C22orf31: variants seen among roughly 807,000 people sequenced by gnomAD.
The protein encoded by C22orf31 is chromosome 22 open reading frame 31.
A neutral mutation model predicts 15.0 loss-of-function variants in C22orf31; 11 were observed. The ratio of observed to expected loss-of-function variants is 0.73; its 90% CI spans 0.46 to 1.21. The LOEUF is 1.21. Ranked by LOEUF, C22orf31 falls within the 50% of genes most tolerant of loss-of-function variation. The pLI is 0.00. For synonymous variants in C22orf31, 132 were observed against 133.3 expected (o/e 0.99, Z 0.07); for missense variants, 340 against 347.2 (o/e 0.98, Z 0.17).
chr22:29,061,114 A>T (rs5752861), intron 1 of C22orf31, among the ~76,000 whole-genome samples: 36 of 152,152 alleles, frequency 2.4e-4, no homozygotes, highest in African/African-American at 8.4e-4. Context: ...GGGAGGGTTC[A>T]CAAGGAATTG....
At chr22:29,072,950 G>C in the C22orf31 span, 3 of 150,560 alleles carry the variant, frequency 2.0e-5, no homozygotes, top group Admixed American at 6.6e-5. Flanking sequence ...CCGCGGATCC[G>C]GGCGGGCCCC....
chr22:29,068,040 C>G, the C22orf31 span, among the ~76,000 whole-genome samples: 3 of 148,520 alleles, frequency 2.0e-5, no homozygotes, highest in East Asian at 5.9e-4. Context: ...TGAATAGTCA[C>G]TGCAATCCAA....
At chr22:29,066,023 G>T (rs1034637313), upstream of C22orf31, among the ~76,000 whole-genome samples, 4 of 151,816 alleles carry the variant, frequency 2.6e-5, no homozygotes, top group African/African-American at 9.7e-5. Flanking sequence ...TTTCCTCACA[G>T]TATTTTTAGC....
At chr22:29,061,245 C>G (rs1352420974) in intron 1 of C22orf31, among the ~76,000 whole-genome samples, 1 of 152,140 alleles carries the variant, frequency 6.6e-6, no homozygotes, top group Admixed American at 6.5e-5. Context: ...TCTGCCAAGC[C>G]CTGAATACGC....
the C22orf31 span, among the ~76,000 whole-genome samples, chr22:29,072,020 A>G: frequency 4.6e-5 from 7 of 152,302 alleles, no homozygotes; most frequent in South Asian, 1.2e-3. Context: ...TGGCTATGTG[A>G]TAAGATACGG....
At chr22:29,065,932 T>G (rs2037426222), upstream of C22orf31, among the ~76,000 whole-genome samples, 1 of 152,272 alleles carries the variant, frequency 6.6e-6, no homozygotes, top group Non-Finnish European at 1.5e-5. Flanking sequence ...CACCCATCAT[T>G]TGGAGCTGTG....
chr22:29,060,450 C>T lies in C22orf31; in HGVS notation c.397G>A (p.Ala133Thr), dbSNP rs1184246059. The change falls in exon 2 of 3, where the codon GCA becomes ACA. Residue 133 changes from alanine (A) to threonine (T), a missense_variant. Physicochemically the swap from Ala to Thr is moderately conservative, Grantham distance 58. Coordinates refer to ENST00000216071, the MANE Select transcript of C22orf31 (RefSeq NM_015370.2). Reference sequence around the variant, plus strand: ...CCTCCTGCAGGCCTCCTATGCCCTGCTGGCTGCTTGCTCTTGGAACTGATG... The same window carrying T: ...CCTCCTGCAGGCCTCCTATGCCCTGTTGGCTGCTTGCTCTTGGAACTGATG... ...NFISSKSKQP[A>T]GHRRPAGGIR... is the part of the protein sequence containing the mutation. 1.2e-6 allele frequency: 2 copies of T among 1,613,700 alleles called. No homozygotes were observed. Among genetic ancestry groups the T allele is most frequent in the South Asian group, 1.1e-5 (1 of 91,068 alleles).
the C22orf31 span, among the ~76,000 whole-genome samples, chr22:29,067,748 A>T: frequency 6.6e-6 from 1 of 152,024 alleles, no homozygotes; most frequent in South Asian, 2.1e-4. Flanking sequence ...CCAGGCTATT[A>T]TTATTAATTT....
At chr22:29,068,140 G>C in the C22orf31 span, among the ~76,000 whole-genome samples, 1 of 141,862 alleles carries the variant, frequency 7.0e-6, no homozygotes, top group Non-Finnish European at 1.5e-5. Flanking sequence ...GGAGGACAAT[G>C]GCACTATCTC....
At chr22:29,064,780 A>T (rs574704101), upstream of C22orf31, among the ~76,000 whole-genome samples, 12 of 141,548 alleles carry the variant, frequency 8.5e-5, no homozygotes, top group Non-Finnish European at 1.6e-4. Context: ...GTCTCAAGTG[A>T]TCCTCCTTGG....
intron 1 of C22orf31, among the ~76,000 whole-genome samples, chr22:29,061,397 G>A (rs755801877): frequency 3.3e-5 from 5 of 152,144 alleles, no homozygotes; most frequent in African/African-American, 4.8e-5. Context: ...CTCCGAAGTA[G>A]TTGAGATTAC....
the C22orf31 span, among the ~76,000 whole-genome samples, chr22:29,068,759 CTTTTT>C: frequency 0.031 from 3,457 of 113,044 alleles, 118 homozygotes; most frequent in African/African-American, 0.096. Context: ...CAACCTGGTA[CTTTTT>C]TTTTTTTTTT....
At position 29,058,881 on chromosome 22, in the gene C22orf31, T is replaced by C; in HGVS notation, c.734A>G (p.Gln245Arg). ...ACTGCAAAGAGCCTCCCAGAGCTTT[T>C]GTTTAATGGCCTTGCCCAGCTCCAG... ...YSLELGKAIK[Q>R]KLWEALCSQG... Residue 245 changes from glutamine to arginine, a missense_variant, in exon 3 of 3, where the codon CAA becomes CGA. Gln to Arg is a conservative substitution (Grantham distance 43). Transcript: ENST00000216071. The C allele has an allele frequency of 1.2e-6, 2 of 1,614,198 alleles. No homozygotes were observed. The highest frequency in any genetic ancestry group is 1.7e-6 in the Non-Finnish European group (2 of 1,180,020).
chr22:29,071,069 G>T, the C22orf31 span, among the ~76,000 whole-genome samples: 2 of 152,068 alleles, frequency 1.3e-5, no homozygotes, highest in South Asian at 4.2e-4. Context: ...CTGGAATAAG[G>T]GTTCTCAGGT....
At chr22:29,063,946 C>A (rs2037412735), upstream of C22orf31, among the ~76,000 whole-genome samples, 1 of 152,108 alleles carries the variant, frequency 6.6e-6, no homozygotes, top group South Asian at 2.1e-4. Flanking sequence ...TGGCTCACTG[C>A]AACCCCCACC....
the C22orf31 span, among the ~76,000 whole-genome samples, chr22:29,072,803 A>C: frequency 6.6e-6 from 1 of 152,108 alleles, no homozygotes; most frequent in African/African-American, 2.4e-5. Context: ...CTACCCTTGG[A>C]TGGGACAAAC....
the C22orf31 span, among the ~76,000 whole-genome samples, chr22:29,070,691 G>C: frequency 6.6e-6 from 1 of 152,310 alleles, no homozygotes; most frequent in Admixed American, 6.5e-5. Flanking sequence ...CCCAGGAATT[G>C]GAGGCTGCAG....
intron 2 of C22orf31, chr22:29,059,790 A>G (rs1002079857): frequency 1.4e-5 from 14 of 985,252 alleles, no homozygotes; most frequent in Non-Finnish European, 1.4e-5. Context: ...GTGCACAAGC[A>G]TGCACTACCC....
chr22:29,069,704 T>A, the C22orf31 span, among the ~76,000 whole-genome samples: 3 of 152,176 alleles, frequency 2.0e-5, no homozygotes, highest in Non-Finnish European at 4.4e-5. Context: ...GTGCACTGTT[T>A]CCATCACCTG....
Sources: gnomAD v4.1 joint callset for allele counts (sites outside exome capture counted in the v4.1 genomes callset) on GRCh38, gnomAD v4.1.1 for gene constraint, MANE v1.5 for transcripts, NCBI Gene and HGNC (gene_info 2026-07-23, HGNC 2026-07-21) for gene names.